UVRAG: variants seen among roughly 807,000 people sequenced by gnomAD.
UVRAG encodes the protein UV radiation resistance associated, also known as UV radiation resistance-associated gene protein.
UVRAG carries 19 observed loss-of-function variants against 78.0 expected under a neutral mutation model. The observed-to-expected ratio is 0.24, with a 90% CI of 0.17 to 0.36. The LOEUF (loss-of-function observed/expected upper bound fraction) is 0.36. Among genes scored for constraint, UVRAG ranks in the 10% least tolerant of loss-of-function variants. The pLI, the probability that UVRAG is intolerant of heterozygous loss-of-function variation, is 1.00. For missense variants in UVRAG, 740 were observed against 853.8 expected (o/e 0.87, Z 1.66); for synonymous variants, 323 against 324.6 (o/e 1.00, Z 0.05).
rs1945235327 is a variant in UVRAG, at chr11:75,815,378, G to A, written c.-30G>A. The A allele has an allele frequency of 2.6e-6, 3 of 1,166,724 alleles. No individual in the cohort carries two copies. Among genetic ancestry groups the A allele is most frequent in the South Asian group, 7.3e-5 (2 of 27,292 alleles). The allele number at this position is 1,166,724 out of a possible 1,614,324, so 72.3% of individuals were successfully genotyped here. A position where few individuals can be genotyped will look rare whatever the true frequency, so the allele number is the denominator to read the frequency against. ...GGCGGCGGATGCCGGAAGAGTGCCC[G>A]CCCCGCCGCTTGGCGGCCCCTGGAT... On this transcript the variant is annotated 5_prime_UTR_variant, in exon 1 of 15. Transcript: ENST00000356136.
At chr11:75,931,783 TTC>T (rs1331112830) in intron 6 of UVRAG, among the ~76,000 whole-genome samples, 2 of 152,162 alleles carry the variant, frequency 1.3e-5, no homozygotes, top group Admixed American at 1.3e-4. Flanking sequence ...ACCTGCCACC[TTC>T]TCTCTCTCAC....
chr11:76,065,781 T>C lies in UVRAG; in HGVS notation c.1298T>C (p.Ile433Thr), dbSNP rs764529003. Residue 433 changes from isoleucine (I) to threonine (T), a missense_variant, in exon 13 of 15, where the codon ATA becomes ACA. By Grantham distance (89) the Ile-to-Thr change is moderately conservative. Coordinates refer to ENST00000356136, the MANE Select transcript of UVRAG (RefSeq NM_003369.4). Reference protein sequence around the residue: ...DYGVYLLNKNIAQLRYQHGLG... With the variant: ...DYGVYLLNKNTAQLRYQHGLG... ...GGTGTCTATCTTCTGAACAAAAATA[T>C]AGCACAGGTAAGTCTCTGTTCTTCA... 2 of 1,613,782 alleles carry C rather than the reference T, an allele frequency of 1.2e-6. No individual in the cohort carries two copies. The highest frequency in any genetic ancestry group is 8.5e-7 in the Non-Finnish European group (1 of 1,179,844).
At chr11:76,086,604 A>T (rs948450042) in intron 13 of UVRAG, among the ~76,000 whole-genome samples, 1 of 152,212 alleles carries the variant, frequency 6.6e-6, no homozygotes, top group South Asian at 2.1e-4. Flanking sequence ...CATGTTTCAT[A>T]AAATTAAAGT....
At chr11:75,912,774 A>G (rs952890637) in intron 6 of UVRAG, among the ~76,000 whole-genome samples, 4 of 152,228 alleles carry the variant, frequency 2.6e-5, no homozygotes, top group African/African-American at 9.6e-5. Flanking sequence ...TCCTTTATAT[A>G]TGTACTTGAG....
intron 2 of UVRAG, 91 bp downstream of exon 2, chr11:75,852,091 G>A: frequency 1.2e-6 from 1 of 855,738 alleles, no homozygotes; most frequent in Non-Finnish European, 1.8e-6. Flanking sequence ...CTGCTTTTGT[G>A]GCTTCTCGGA....
intron 13 of UVRAG, among the ~76,000 whole-genome samples, chr11:76,112,806 A>G (rs987348374): frequency 6.6e-6 from 1 of 150,754 alleles, no homozygotes; most frequent in African/African-American, 2.5e-5. Flanking sequence ...AGCTCACTGC[A>G]GCCTCAACCT....
intron 6 of UVRAG, among the ~76,000 whole-genome samples, chr11:75,933,767 C>A (rs1948293688): frequency 1.3e-5 from 2 of 152,180 alleles, no homozygotes; most frequent in Non-Finnish European, 2.9e-5. Flanking sequence ...CATCACTGAT[C>A]ATCAGAGAAA....
intron 13 of UVRAG, among the ~76,000 whole-genome samples, chr11:76,096,786 T>C (rs1032846228): frequency 6.6e-6 from 1 of 152,166 alleles, no homozygotes; most frequent in African/African-American, 2.4e-5. Context: ...GAGGCGCCCC[T>C]TCCTTGAGTC....
At chr11:75,877,138 CAT>C (rs566814346) in intron 3 of UVRAG, among the ~76,000 whole-genome samples, 40 of 151,798 alleles carry the variant, frequency 2.6e-4, no homozygotes, top group Non-Finnish European at 4.7e-4. Flanking sequence ...GGACACAGCA[CAT>C]GTTTCAGAGA....
chr11:76,127,482 GTC>G (rs973366064), intron 14 of UVRAG, among the ~76,000 whole-genome samples: 6 of 149,560 alleles, frequency 4.0e-5, no homozygotes, highest in Non-Finnish European at 5.9e-5. Flanking sequence ...GTGAAAACCC[GTC>G]TCTATTAATA....
At chr11:75,989,942 A>C (rs570149408) in intron 8 of UVRAG, among the ~76,000 whole-genome samples, 1 of 152,324 alleles carries the variant, frequency 6.6e-6, no homozygotes, top group African/African-American at 2.4e-5. Flanking sequence ...TGAATTATTT[A>C]ACCTTATTTT....
chr11:76,035,675 A>G (rs1420142613), intron 12 of UVRAG, among the ~76,000 whole-genome samples: 5 of 152,224 alleles, frequency 3.3e-5, no homozygotes. Context: ...TTAGTAAAGA[A>G]CAGTAACAAC....
At position 75,815,273 on chromosome 11, in the gene UVRAG, A is replaced by T; in HGVS notation, c.-135A>T. 2.0e-6 allele frequency: 1 copy of T among 488,868 alleles called. No homozygotes were observed. The highest frequency in any genetic ancestry group is 3.4e-6 in the Non-Finnish European group (1 of 295,812). The allele number at this position is 488,868 out of a possible 1,614,324, so 30.3% of individuals were successfully genotyped here. ...GGCAGCGGCGGCAGCGGCGGCGGCTACTGTCTGGGCTGAGCAGTAGTGCCT... is the reference window on the plus strand; with the variant it reads ...GGCAGCGGCGGCAGCGGCGGCGGCTTCTGTCTGGGCTGAGCAGTAGTGCCT... On this transcript the variant is annotated 5_prime_UTR_variant, in exon 1 of 15. Transcript: ENST00000356136.
chr11:76,133,933 A>G (rs370135629), intron 14 of UVRAG, among the ~76,000 whole-genome samples: 1 of 148,084 alleles, frequency 6.8e-6, no homozygotes, highest in African/African-American at 2.5e-5. Context: ...TCTCTTTTAT[A>G]CTTTTTTTTT....
intron 12 of UVRAG, among the ~76,000 whole-genome samples, chr11:76,052,622 C>T (rs1317802712): frequency 6.6e-6 from 1 of 152,208 alleles, no homozygotes; most frequent in African/African-American, 2.4e-5. Flanking sequence ...TTGAGATTCG[C>T]TTGACCTGTC....
At chr11:75,817,889 C>CAAAAAAAAA (rs1370583103) in intron 1 of UVRAG, among the ~76,000 whole-genome samples, 2 of 87,482 alleles carry the variant, frequency 2.3e-5, no homozygotes. Flanking sequence ...ACTAAAAGTA[C>CAAAAAAAAA]AAAAAAAAGA....
intron 3 of UVRAG, among the ~76,000 whole-genome samples, chr11:75,868,687 T>G (rs749403030): frequency 4.6e-5 from 7 of 152,182 alleles, no homozygotes; most frequent in Non-Finnish European, 7.4e-5. Flanking sequence ...GGTCATTGGG[T>G]TAATAAGTAA....
At chr11:76,105,117 C>G (rs2139934) in intron 13 of UVRAG, among the ~76,000 whole-genome samples, 20,684 of 152,104 alleles carry the variant, frequency 0.14, 3,641 homozygotes, top group African/African-American at 0.41. Context: ...TTCATCAGAG[C>G]TACCTCACAT....
intron 12 of UVRAG, among the ~76,000 whole-genome samples, chr11:76,025,240 A>AC (rs1950307836): frequency 6.6e-6 from 1 of 151,890 alleles, no homozygotes; most frequent in African/African-American, 2.4e-5. Context: ...GTGTTCCTCC[A>AC]CCCCCCACTT....
Sources: allele counts gnomAD v4.1 joint callset (sites outside exome capture counted in the v4.1 genomes callset), GRCh38; gene constraint gnomAD v4.1.1; transcripts MANE v1.5; gene names NCBI Gene and HGNC (gene_info 2026-07-23, HGNC 2026-07-21).